Variants in MAN2B2 observed in about 807,000 individuals in gnomAD.
MAN2B2 encodes mannosidase alpha class 2B member 2, also known as epididymis-specific alpha-mannosidase.
In MAN2B2, 106 loss-of-function variants were observed where a neutral mutation model predicts 117.1. The observed-to-expected ratio is 0.90, with a 90% confidence interval of 0.77 to 1.06. The LOEUF (loss-of-function observed/expected upper bound fraction) is 1.06, where lower values mean the gene tolerates loss of function less well. Among genes scored for constraint, MAN2B2 ranks in the 50% least tolerant of loss-of-function variants. The pLI, the probability that MAN2B2 is intolerant of heterozygous loss-of-function variation, is 0.00. For missense variants in MAN2B2, 1,326 were observed against 1,381.4 expected, an observed-to-expected ratio of 0.96 and a Z score of 0.64; for synonymous variants, 544 against 595.1, an observed-to-expected ratio of 0.91 and a Z score of 1.25.
chr4:6,614,435 G>A (rs1199913125), intron 16 of MAN2B2, 80 bp downstream of exon 16: 7 of 1,537,722 alleles, frequency 4.6e-6, no homozygotes, highest in Non-Finnish European at 6.2e-6. Flanking sequence ...CACCAGACAG[G>A]GGCTCACCTT....
intron 15 of MAN2B2, 100 bp from the exon 16 acceptor site, chr4:6,614,117 TG>T: frequency 6.9e-7 from 1 of 1,444,940 alleles, no homozygotes; most frequent in Non-Finnish European, 9.4e-7. Context: ...GCATGGGAAG[TG>T]GCTGGCAGGG....
intron 3 of MAN2B2, among the ~76,000 whole-genome samples, chr4:6,581,355 G>A (rs538669466): frequency 6.6e-6 from 1 of 152,300 alleles, no homozygotes; most frequent in African/African-American, 2.4e-5. Context: ...CCATTTGACA[G>A]ATGAGGAAAC....
chr4:6,611,222 A>G lies in MAN2B2; in HGVS notation c.2507A>G (p.Gln836Arg). 6.2e-7 allele frequency: 1 copy of G among 1,613,698 alleles called. No homozygotes were observed. Among genetic ancestry groups the G allele is most frequent in the Non-Finnish European group, 8.5e-7 (1 of 1,179,968 alleles). ...GSWSLTTALR[Q>R]RSALALQHRP... ...TGGTCCCTCACCACTGCCCTGCGCC[A>G]GAGGAGCGCACTGGCGCTGCAGCAC... Residue 836 changes from glutamine (Q) to arginine (R), a missense_variant, in exon 15 of 19, where the codon CAG (glutamine) becomes CGG (arginine). By Grantham distance (43) the Gln-to-Arg change is conservative (BLOSUM62 1). Coordinates refer to ENST00000285599, the MANE Select transcript of MAN2B2 (RefSeq NM_015274.3).
At position 6,606,659 on chromosome 4, in the gene MAN2B2, A is replaced by G. The variant is rs1055363975; in HGVS notation, c.1814+1330A>G. Among the ~76,000 whole-genome samples the G allele has an allele frequency of 2.6e-5, 4 of 152,188 alleles. No individual in the cohort carries two copies. In the East Asian group the frequency reaches 5.8e-4, roughly 22 times the overall value. On this transcript the variant is annotated intron_variant, in intron 11 of 18. Transcript: ENST00000285599. ...CTCCAGTGAGGACAAAGGAGTTCTTATTGGGCTCCCAAAACCCCACCAGGG... is the reference window on the plus strand; with the variant it reads ...CTCCAGTGAGGACAAAGGAGTTCTTGTTGGGCTCCCAAAACCCCACCAGGG...
At chr4:6,614,094 T>C in intron 15 of MAN2B2, 124 bp from the exon 16 acceptor site, 1 of 1,240,536 alleles carries the variant, frequency 8.1e-7, no homozygotes, top group East Asian at 2.5e-5. Flanking sequence ...CGGGGTAGGC[T>C]ACCCACAAGG....
intron 15 of MAN2B2, among the ~76,000 whole-genome samples, chr4:6,613,665 G>GA (rs1223331333): frequency 3.7e-5 from 5 of 134,476 alleles, no homozygotes; most frequent in African/African-American, 1.4e-4. Context: ...TGGAAGGAAG[G>GA]AAAGAAGGGA....
chr4:6,594,004 T>C (rs1398301136), intron 6 of MAN2B2, among the ~76,000 whole-genome samples: 7 of 152,184 alleles, frequency 4.6e-5, no homozygotes, highest in African/African-American at 1.4e-4. Context: ...GCCTTCTTCA[T>C]CCGTGACTGC....
intron 16 of MAN2B2, among the ~76,000 whole-genome samples, chr4:6,616,247 C>G (rs886786126): frequency 2.6e-5 from 4 of 152,178 alleles, no homozygotes; most frequent in African/African-American, 9.6e-5. Flanking sequence ...TCTCCAGGAC[C>G]TTGAACTCAG....
chr4:6,589,982 G>A (rs185739284), intron 5 of MAN2B2, among the ~76,000 whole-genome samples: 73 of 152,144 alleles, frequency 4.8e-4, no homozygotes, highest in African/African-American at 1.6e-3. Context: ...CAGAAGGGTC[G>A]CCTGAATCCA....
At chr4:6,587,750 G>GT (rs201846526) in intron 4 of MAN2B2, among the ~76,000 whole-genome samples, 1,641 of 113,250 alleles carry the variant, frequency 0.014, 61 homozygotes, top group East Asian at 0.094. Flanking sequence ...TTGGGTTGTT[G>GT]TTTTTTTTTT....
intron 3 of MAN2B2, 70 bp downstream of exon 3, chr4:6,578,568 C>A (rs1249818071): frequency 6.1e-6 from 8 of 1,314,700 alleles, no homozygotes; most frequent in Non-Finnish European, 6.4e-6. Flanking sequence ...GGTATCAGAA[C>A]CCCCAGGTTC....
intron 4 of MAN2B2, 93 bp downstream of exon 4, chr4:6,587,261 G>A (rs1447455830): frequency 6.2e-6 from 9 of 1,444,594 alleles, no homozygotes; most frequent in East Asian, 2.4e-5. Flanking sequence ...GCTCTATGCC[G>A]AAGTGTTCGG....
At chr4:6,601,628 C>T (rs529476501) in intron 10 of MAN2B2, among the ~76,000 whole-genome samples, 135 of 152,326 alleles carry the variant, frequency 8.9e-4, no homozygotes, top group African/African-American at 3.2e-3. Context: ...GCAGCCCCAT[C>T]CTGAAGCCAC....
chr4:6,599,049 G>A (rs538148029), intron 9 of MAN2B2, among the ~76,000 whole-genome samples: 2 of 152,334 alleles, frequency 1.3e-5, no homozygotes, highest in Admixed American at 1.3e-4. Context: ...GTGTGCATAG[G>A]CCGCCAGGTC....
chr4:6,594,435 G>A, intron 6 of MAN2B2, 99 bp from the exon 7 acceptor site: 1 of 1,263,556 alleles, frequency 7.9e-7, no homozygotes, highest in South Asian at 1.3e-5. Context: ...CCGCCTTGGA[G>A]ACTGGGAGGG....
chr4:6,600,870 A>G, intron 10 of MAN2B2, 114 bp downstream of exon 10: 1 of 1,316,182 alleles, frequency 7.6e-7, no homozygotes, highest in Non-Finnish European at 1.0e-6. Context: ...TTTGTTTTAC[A>G]GAAGAGGAAA....
chr4:6,621,078 G>A (rs1712148460), intron 18 of MAN2B2, 110 bp from the exon 19 acceptor site: 4 of 743,418 alleles, frequency 5.4e-6, no homozygotes. Flanking sequence ...GCAGGAGGGT[G>A]AGAGGGAGGC....
chr4:6,576,199 C>T (rs1472125563), intron 1 of MAN2B2, among the ~76,000 whole-genome samples: 3 of 152,194 alleles, frequency 2.0e-5, no homozygotes, highest in South Asian at 2.1e-4. Context: ...CACTGGACCA[C>T]ACCCCGACTG....
At chr4:6,577,403 T>C (rs781433418) in intron 2 of MAN2B2, among the ~76,000 whole-genome samples, 1 of 152,184 alleles carries the variant, frequency 6.6e-6, no homozygotes, top group Non-Finnish European at 1.5e-5. Context: ...TTCAGAATAG[T>C]TGCTGAACAT....
Sources: allele counts gnomAD v4.1 joint callset (sites outside exome capture counted in the v4.1 genomes callset), GRCh38; gene constraint gnomAD v4.1.1; transcripts MANE v1.5; gene names NCBI Gene and HGNC (gene_info 2026-07-23, HGNC 2026-07-21).